Variants in TYK2 observed in about 807,000 individuals in gnomAD.
TYK2 encodes tyrosine kinase 2.
A neutral mutation model predicts 130.9 loss-of-function variants in TYK2; 65 were observed. The observed-to-expected ratio is 0.50, with a 90% CI of 0.41 to 0.61. TYK2 has a LOEUF of 0.61. Among genes scored for constraint, TYK2 ranks in the 20% least tolerant of loss-of-function variants. TYK2 has a pLI of 0.00. For synonymous variants in TYK2, 647 were observed against 658.9 expected, an observed-to-expected ratio of 0.98 and a Z score of 0.28; for missense variants, 1,378 against 1,610.7, an observed-to-expected ratio of 0.86 and a Z score of 2.47.
intron 9 of TYK2, among the ~76,000 whole-genome samples, chr19:10,363,482 C>T (rs2041508705): frequency 6.6e-6 from 1 of 152,124 alleles, no homozygotes; most frequent in African/African-American, 2.4e-5. Flanking sequence ...ACCCAGCCTA[C>T]TCCTACTCTT....
At chr19:10,363,809 T>G (rs2041523560) in intron 9 of TYK2, among the ~76,000 whole-genome samples, 1 of 152,186 alleles carries the variant, frequency 6.6e-6, no homozygotes, top group African/African-American at 2.4e-5. Context: ...AACACCTGTC[T>G]GTACGGGGGC....
intron 17 of TYK2, chr19:10,357,454 A>T (rs1254358204): frequency 1.4e-6 from 1 of 697,212 alleles, no homozygotes; most frequent in African/African-American, 1.8e-5. Context: ...CTGCTGGGTG[A>T]GGCGCATCCT....
At chr19:10,359,429 G>A (rs746953341) in intron 14 of TYK2, 127 bp from the exon 15 acceptor site, 84 of 1,187,942 alleles carry the variant, frequency 7.1e-5, no homozygotes, top group Non-Finnish European at 9.9e-5. Context: ...AGGTGTGGGT[G>A]GAGTTTGGTC....
In TYK2 at chr19:10,359,218, T is replaced by C; in HGVS notation, c.2132A>G (p.Lys711Arg). 6.2e-7 allele frequency: 1 copy of C among 1,608,688 alleles called. No individual in the cohort carries two copies. Among genetic ancestry groups the C allele is most frequent in the Non-Finnish European group, 8.5e-7 (1 of 1,179,918 alleles). The change falls in exon 15 of 25, where the codon AAG (lysine) becomes AGG (arginine). Residue 711 changes from lysine to arginine, a missense_variant. Lys to Arg is a conservative substitution (Grantham distance 26). Coordinates refer to ENST00000525621, the MANE Select transcript of TYK2 (RefSeq NM_003331.5). ...GGCCAGCTGCTGGGCCACCACCATCTTCCAAGCCATGGGCACATGGCCCCG... is the reference window on the plus strand; with the variant it reads ...GGCCAGCTGCTGGGCCACCACCATCCTCCAAGCCATGGGCACATGGCCCCG... ...RERGHVPMAW[K>R]MVVAQQLASA...
rs1568346259 is a variant in TYK2 at position 10,377,400 on chromosome 19, G to GTGGGTGGA, written c.193+813_193+814insTCCACCCA. Among the ~76,000 whole-genome samples the GTGGGTGGA allele has an allele frequency of 5.4e-4, 57 of 105,418 alleles. 3 individuals carry two copies. In the South Asian group the frequency reaches 0.013, roughly 24 times the overall value. 69.2% of individuals were successfully genotyped at this position (105,418 alleles called of 152,430 possible). Reference sequence around the variant, plus strand: ...GATGGATGAATAGGTGGGTGGGTGGGTGGATGGATGGATGGATGGATGGAT... The same window carrying GTGGGTGGA: ...GATGGATGAATAGGTGGGTGGGTGGGTGGGTGGATGGATGGATGGATGGATGGATGGAT... On this transcript the variant is annotated intron_variant, in intron 3 of 24. Transcript: ENST00000525621.
chr19:10,365,320 C>A (rs1170966104), intron 7 of TYK2, among the ~76,000 whole-genome samples, 197 bp downstream of exon 7: 1 of 152,140 alleles, frequency 6.6e-6, no homozygotes, highest in Non-Finnish European at 1.5e-5. Flanking sequence ...GAGGTGCAGA[C>A]CCCAGAAATA....
intron 17 of TYK2, 42 bp from the exon 18 acceptor site, chr19:10,356,760 G>GC: frequency 6.4e-7 from 1 of 1,558,668 alleles, no homozygotes; most frequent in Non-Finnish European, 8.7e-7. Context: ...TCCTCCCCTC[G>GC]CCCCCAACCC....
At chr19:10,351,976 G>A (rs2040827802) in intron 23 of TYK2, among the ~76,000 whole-genome samples, 1 of 151,846 alleles carries the variant, frequency 6.6e-6, no homozygotes, top group Non-Finnish European at 1.5e-5. Context: ...CTGACCTCGT[G>A]ATCTGCCCGC....
rs754920273 is a variant in TYK2, at chr19:10,350,842, C to T, written c.3556G>A (p.Val1186Met). 17 of 1,613,360 alleles carry T rather than the reference C, an allele frequency of 1.1e-5. No homozygotes were observed. The highest frequency in any genetic ancestry group is 8.3e-5 in the Admixed American group (5 of 59,990). Reference sequence around the variant, plus strand: ...AGGGCTGCCATTGTGCCTCAGCACACGCTGAACACTGAAGGGGCCTGGCCT... The same window carrying T: ...AGGGCTGCCATTGTGCCTCAGCACATGCTGAACACTGAAGGGGCCTGGCCT... ...YQGQAPSVFS[V>M]C Residue 1186 changes from valine (V) to methionine (M), a missense_variant, in exon 25 of 25, where the codon GTG becomes ATG. Coordinates refer to ENST00000525621, the MANE Select transcript of TYK2 (RefSeq NM_003331.5).
rs186211710 is a variant in TYK2, at chr19:10,361,238, G to A, written c.2047+273C>T. On this transcript the variant is annotated intron_variant, in intron 14 of 24. Coordinates refer to ENST00000525621, the MANE Select transcript of TYK2 (RefSeq NM_003331.5). The surrounding 1 kb of genome is among the most constrained non-coding windows in gnomAD (Gnocchi z 4.0). ...TGTAGAGGTTGTTTGGGAGGTTGAT[G>A]GAAGTGGGGATGTAGTTGGGAATCA... The A allele has an allele frequency of 5.1e-6, 3 of 593,944 alleles. No homozygotes were observed. The highest frequency in any genetic ancestry group is 5.4e-5 in the Admixed American group (2 of 37,216). 36.8% of individuals were successfully genotyped at this position (593,944 alleles called of 1,614,324 possible). A position where few individuals can be genotyped will look rare whatever the true frequency, so the allele number is the denominator to read the frequency against.
At chr19:10,358,274 T>C (rs1024589589) in intron 15 of TYK2, 136 bp from the exon 16 acceptor site, 11 of 846,326 alleles carry the variant, frequency 1.3e-5, no homozygotes, top group Middle Eastern at 7.4e-4. Flanking sequence ...TTTTGTTTTT[T>C]GGGGGGTTAT....
At chr19:10,374,205 G>C (rs993723024) in intron 3 of TYK2, among the ~76,000 whole-genome samples, 2 of 152,030 alleles carry the variant, frequency 1.3e-5, no homozygotes, top group Non-Finnish European at 2.9e-5. Flanking sequence ...GGCGGAGCTT[G>C]CAGTGAGCTG....
At chr19:10,352,654 AG>A in intron 22 of TYK2, 103 bp from the exon 23 acceptor site, 1 of 745,278 alleles carries the variant, frequency 1.3e-6, no homozygotes, top group Non-Finnish European at 2.3e-6. Context: ...CTCTGGGCTC[AG>A]TTGGGACCCA....
chr19:10,375,140 G>A (rs2042067913), intron 3 of TYK2, among the ~76,000 whole-genome samples: 1 of 151,214 alleles, frequency 6.6e-6, no homozygotes, highest in Non-Finnish European at 1.5e-5. Context: ...CTGCATTTCA[G>A]CCTGGGCAAG....
rs769741671 is a variant in TYK2 at position 10,378,371 on chromosome 19, A to C, written c.36T>G (p.Ser12Arg). The stretch of plus-strand genomic sequence containing the variant: ...GCTGGGCTCCATCCCCAACGGGCTT[A>C]CTGCCCCTGGCCATCCCCCAGTGGC... ...PLRHWGMARG[S>R]KPVGDGAQPM... is the part of the protein sequence containing the mutation. The change falls in exon 3 of 25, where the codon AGT (serine) becomes AGG (arginine). Residue 12 changes from serine (S) to arginine (R), a missense_variant. By Grantham distance (110) the Ser-to-Arg change is moderately radical. Coordinates refer to ENST00000525621, the MANE Select transcript of TYK2 (RefSeq NM_003331.5). 2.7e-5 allele frequency: 43 copies of C among 1,612,000 alleles called. No homozygotes were observed. The South Asian group carries it at 4.6e-4, about 17-fold the overall frequency.
intron 22 of TYK2, 98 bp from the exon 23 acceptor site, chr19:10,352,649 G>T (rs2040869702): frequency 4.0e-6 from 3 of 747,826 alleles, no homozygotes; most frequent in Non-Finnish European, 6.8e-6. Context: ...GGACCCTCTG[G>T]GCTCAGTTGG....
rs529800288 is a variant in TYK2, at chr19:10,380,514, C to T, written c.-320G>A. The T allele has an allele frequency of 2.0e-5, 3 of 152,576 alleles. No homozygotes were observed. The highest frequency in any genetic ancestry group is 3.8e-4 in the East Asian group (2 of 5,322). 9.5% of individuals were successfully genotyped at this position (152,576 alleles called of 1,614,324 possible). On this transcript the variant is annotated 5_prime_UTR_variant, in exon 1 of 25. Transcript: ENST00000525621. ...CGCGCCCGCGTCCAGACTCACCCTT[C>T]CGGGGGAACACAAGCTCGAACCCGG...
Position 10,362,509 on chromosome 19 carries a change from C to T in TYK2, c.1476+40G>A, listed in dbSNP as rs12720275. 81 of 1,560,458 alleles carry T rather than the reference C, an allele frequency of 5.2e-5. No individual in the cohort carries two copies. The Admixed American group carries it at 6.2e-4, about 12-fold the overall frequency. Reference sequence around the variant, plus strand: ...AGTAAGCAGGGGACCAGGCAGGGAACGTGTCCAGCCCCAGCCCCAGCCCCC... The same window carrying T: ...AGTAAGCAGGGGACCAGGCAGGGAATGTGTCCAGCCCCAGCCCCAGCCCCC... On this transcript the variant is annotated intron_variant, in intron 10 of 24. Coordinates refer to ENST00000525621, the MANE Select transcript of TYK2 (RefSeq NM_003331.5).
rs779608624 is a variant in TYK2 at position 10,356,770 on chromosome 19, C to T, written c.2467-52G>A. 24 of 1,549,572 alleles carry T rather than the reference C, an allele frequency of 1.5e-5. No homozygotes were observed. In the East Asian group the frequency reaches 2.7e-4, roughly 17 times the overall value. On this transcript the variant is annotated intron_variant, in intron 17 of 24. Transcript: ENST00000525621. The stretch of plus-strand genomic sequence containing the variant: ...CAACATCCTCCCCTCGCCCCCAACC[C>T]GTTCCCCAAGAGGCAGAGTCAAGTC...
Sources: allele counts gnomAD v4.1 joint callset (sites outside exome capture counted in the v4.1 genomes callset), GRCh38; gene constraint gnomAD v4.1.1; non-coding constraint Gnocchi (gnomAD v3.1); transcripts MANE v1.5; gene names NCBI Gene and HGNC (gene_info 2026-07-23, HGNC 2026-07-21).